The following ATP2C1 variants were observed in gnomAD, a reference collection of about 807,000 sequenced individuals.
ATP2C1 encodes the protein calcium-transporting ATPase type 2C member 1.
In ATP2C1, 31 loss-of-function variants were observed where a neutral mutation model predicts 120.5. That is an observed-to-expected ratio of 0.26 (90% CI 0.19 to 0.35). The LOEUF (loss-of-function observed/expected upper bound fraction) is 0.35, where lower values mean the gene tolerates loss of function less well. Among genes scored for constraint, ATP2C1 ranks in the 10% least tolerant of loss-of-function variants. The pLI is 1.00. For missense variants in ATP2C1, 731 were observed against 1,107.5 expected (o/e 0.66, Z 4.83); for synonymous variants, 351 against 358.7 (o/e 0.98, Z 0.24).
intron 1 of ATP2C1, among the ~76,000 whole-genome samples, chr3:130,882,653 A>T (rs1037190828): frequency 6.6e-6 from 1 of 152,200 alleles, no homozygotes; most frequent in African/African-American, 2.4e-5. Context: ...ATGACATATC[A>T]CATTAATTGA....
rs180873576 is a variant in ATP2C1, at chr3:130,873,526, A to G, written c.108+22598A>G. Among the ~76,000 whole-genome samples, 263 of 152,310 alleles carry G rather than the reference A, an allele frequency of 1.7e-3. 5 individuals are homozygous for G. Among genetic ancestry groups the G allele is most frequent in the Admixed American group, 0.016 (251 of 15,302 alleles). On this transcript the variant is annotated intron_variant, in intron 1 of 26. Coordinates refer to the ATP2C1 transcript ENST00000504381. ...TTTTAATCAAATGTGTAATGTTGAC[A>G]TCTTTACCTTTCCAAGTACTTTTGT...
chr3:130,935,479 A>C (rs16835405), intron 5 of ATP2C1, among the ~76,000 whole-genome samples: 16,525 of 152,196 alleles, frequency 0.11, 1,033 homozygotes, highest in East Asian at 0.18. Flanking sequence ...TGTATAAAAA[A>C]TTTGTAGCAA....
rs775017705 is a variant in ATP2C1 at position 131,002,965 on chromosome 3, T to G, written c.*1615T>G. 2.3e-4 allele frequency: 228 copies of G among 985,674 alleles called. No homozygotes were observed. Among genetic ancestry groups the G allele is most frequent in the Non-Finnish European group, 2.7e-4 (222 of 829,862 alleles). The allele number at this position is 985,674 out of a possible 1,614,324, so 61.1% of individuals were successfully genotyped here. ...TCTAATCAACTCTATCATTAGTGAC[T>G]TGATGTCTCATACCTTAATTTTGTA... On this transcript the variant is annotated 3_prime_UTR_variant, in exon 28 of 28. Transcript: ENST00000510168.
At chr3:130,868,796 A>C (rs372174945) in intron 1 of ATP2C1, 1 of 72,074 alleles carries the variant, frequency 1.4e-5, no homozygotes, top group African/African-American at 5.3e-5. Flanking sequence ...CGTCCGGGAG[A>C]GTGGTGGGGG....
intron 12 of ATP2C1, among the ~76,000 whole-genome samples, chr3:130,962,127 C>T (rs1003231438): frequency 1.3e-5 from 2 of 151,968 alleles, no homozygotes; most frequent in African/African-American, 4.8e-5. Context: ...GCTTGTTTAT[C>T]AGCATTGACT....
chr3:130,889,463 T>C (rs983667980), upstream of ATP2C1, among the ~76,000 whole-genome samples: 2 of 152,130 alleles, frequency 1.3e-5, no homozygotes, highest in Non-Finnish European at 2.9e-5. Context: ...AACACTGTTA[T>C]CTTTTAATTT....
chr3:130,894,154 T>TA lies in ATP2C1; in HGVS notation c.-364_-363insA. On this transcript the variant is annotated 5_prime_UTR_variant, in exon 1 of 28. Coordinates refer to ENST00000510168, the MANE Select transcript of ATP2C1 (RefSeq NM_001378687.1). The surrounding 1 kb of genome is among the most constrained non-coding windows in gnomAD (Gnocchi z 4.5). ...TCCCCTCACCTCCTCTTCTCTCCCCTCCCCGCCCGCCCTCTCTCCCTCCCT... is the reference window on the plus strand; with the variant it reads ...TCCCCTCACCTCCTCTTCTCTCCCCTACCCCGCCCGCCCTCTCTCCCTCCCT... 3.5e-6 allele frequency: 1 copy of TA among 286,060 alleles called. No individual in the cohort carries two copies. Among genetic ancestry groups the TA allele is most frequent in the Non-Finnish European group, 4.7e-6 (1 of 212,370 alleles). 17.7% of individuals were successfully genotyped at this position (286,060 alleles called of 1,614,324 possible). A position where few individuals can be genotyped will look rare whatever the true frequency, so the allele number is the denominator to read the frequency against.
intron 2 of ATP2C1, among the ~76,000 whole-genome samples, chr3:130,921,087 T>TC (rs1225909309): frequency 4.0e-5 from 6 of 148,892 alleles, no homozygotes; most frequent in Admixed American, 3.3e-4. Context: ...TTCTTTTTTT[T>TC]TTTTTTTTTT....
At chr3:130,877,348 G>T (rs2068635653) in intron 1 of ATP2C1, among the ~76,000 whole-genome samples, 1 of 152,170 alleles carries the variant, frequency 6.6e-6, no homozygotes, top group Non-Finnish European at 1.5e-5. Flanking sequence ...AGAGTGAACA[G>T]GCAACCTACA....
intron 1 of ATP2C1, among the ~76,000 whole-genome samples, chr3:130,875,945 C>CA (rs1396777409): frequency 1.3e-5 from 2 of 151,006 alleles, no homozygotes; most frequent in African/African-American, 2.4e-5. Context: ...ATCATTTGCC[C>CA]ATTTTTAAAT....
intron 2 of ATP2C1, among the ~76,000 whole-genome samples, chr3:130,921,929 T>G (rs573174050): frequency 3.3e-5 from 5 of 152,174 alleles, no homozygotes; most frequent in Admixed American, 6.5e-5. Context: ...ATTTTCTTTT[T>G]TTGTTATATT....
chr3:130,995,464 T>C (rs1047353732), intron 22 of ATP2C1, among the ~76,000 whole-genome samples: 1 of 152,032 alleles, frequency 6.6e-6, no homozygotes, highest in African/African-American at 2.4e-5. Context: ...ATGTGAAGTA[T>C]TTTCTCTTGT....
intron 1 of ATP2C1, among the ~76,000 whole-genome samples, chr3:130,857,818 T>C (rs2067890738): frequency 6.6e-6 from 1 of 152,194 alleles, no homozygotes. Flanking sequence ...ATTAGGAGAA[T>C]TGACTCACAT....
At chr3:130,908,308 C>T (rs1173849393) in intron 2 of ATP2C1, among the ~76,000 whole-genome samples, 3 of 151,944 alleles carry the variant, frequency 2.0e-5, no homozygotes, top group African/African-American at 7.2e-5. Context: ...CAGGAGTCAG[C>T]CTAAATATCA....
At chr3:130,919,399 A>G (rs972495943) in intron 2 of ATP2C1, among the ~76,000 whole-genome samples, 7 of 151,638 alleles carry the variant, frequency 4.6e-5, no homozygotes, top group Admixed American at 1.3e-4. Flanking sequence ...TAATTTTTAT[A>G]GTAGAGAAGG....
chr3:130,999,715 A>C lies in ATP2C1; in HGVS notation c.2629+56A>C, dbSNP rs185519187. The C allele has an allele frequency of 3.8e-3, 5,669 of 1,478,764 alleles. 17 individuals carry two copies. Among genetic ancestry groups the C allele is most frequent in the Non-Finnish European group, 4.4e-3 (4,701 of 1,074,088 alleles). The allele number at this position is 1,478,764 out of a possible 1,614,324, so 91.6% of individuals were successfully genotyped here. On this transcript the variant is annotated intron_variant, in intron 27 of 27. Coordinates refer to ENST00000510168, the MANE Select transcript of ATP2C1 (RefSeq NM_001378687.1). The stretch of plus-strand genomic sequence containing the variant: ...TATTTTAGATAAATCATATTTTCTA[A>C]TGTGTTTGTTTTAATTTTAAAATTC...
intron 6 of ATP2C1, among the ~76,000 whole-genome samples, chr3:130,939,718 A>G (rs142187266): frequency 6.6e-6 from 1 of 152,202 alleles, no homozygotes; most frequent in Non-Finnish European, 1.5e-5. Context: ...GATTTTCCTT[A>G]TATTTGTCAC....
chr3:130,980,924 G>A (rs2061730031), intron 20 of ATP2C1, among the ~76,000 whole-genome samples: 1 of 152,180 alleles, frequency 6.6e-6, no homozygotes, highest in African/African-American at 2.4e-5. Context: ...GATTTCCTCT[G>A]AGAAAAGTAC....
intron 6 of ATP2C1, among the ~76,000 whole-genome samples, 160 bp downstream of exon 6, chr3:130,937,623 G>A (rs1284061119): frequency 6.6e-6 from 1 of 152,174 alleles, no homozygotes; most frequent in Non-Finnish European, 1.5e-5. Context: ...ACTCTTCAGG[G>A]AAGCTTGTGG....
Sources: allele counts gnomAD v4.1 joint callset (sites outside exome capture counted in the v4.1 genomes callset), GRCh38; gene constraint gnomAD v4.1.1; non-coding constraint Gnocchi (gnomAD v3.1); transcripts MANE v1.5; gene names NCBI Gene and HGNC (gene_info 2026-07-23, HGNC 2026-07-21).